Variants in CTNNA3 observed in about 807,000 individuals in gnomAD.
CTNNA3 encodes catenin alpha 3.
A neutral mutation model predicts 95.7 loss-of-function variants in CTNNA3; 76 were observed. That is an observed-to-expected ratio of 0.79 (90% CI 0.66 to 0.96). The LOEUF (loss-of-function observed/expected upper bound fraction) is 0.96, where lower values mean the gene tolerates loss of function less well. CTNNA3 is among the 40% of genes least tolerant of loss of function. The probability of loss-of-function intolerance (pLI) is 0.00; values close to 1 mark genes in which losing one functional copy is unlikely to be tolerated. For synonymous variants in CTNNA3, 431 were observed against 374.4 expected (o/e 1.15, Z -1.74); for missense variants, 1,191 against 1,089.8 (o/e 1.09, Z -1.31).
At position 66,766,330 on chromosome 10, in the gene CTNNA3, A is replaced by G. The variant is rs775938724; in HGVS notation, c.1215T>C (p.Asn405=). The change falls in exon 9 of 18, where the codon AAT becomes AAC. Residue 405 remains asparagine, a synonymous_variant. Transcript: ENST00000433211. ...ATTCTTTTATTTCCTTTTCCCGGCCATTCTTAGCAGCTTCAATGAGAACCA... is the reference window on the plus strand; with the variant it reads ...ATTCTTTTATTTCCTTTTCCCGGCCGTTCTTAGCAGCTTCAATGAGAACCA... The part of the protein sequence containing the change: ...PLLVLIEAAK[N]GREKEIKEYA... 49 of 1,613,862 alleles carry G rather than the reference A, an allele frequency of 3.0e-5. No individual in the cohort carries two copies. The East Asian group carries it at 1.0e-3, about 35-fold the overall frequency.
At chr10:66,963,174 T>C (rs1849213475) in intron 7 of CTNNA3, among the ~76,000 whole-genome samples, 1 of 152,164 alleles carries the variant, frequency 6.6e-6, no homozygotes, top group African/African-American at 2.4e-5. Flanking sequence ...AGAAATACTG[T>C]AAAAACTAAC....
chr10:67,028,185 A>G (rs1000335005), intron 7 of CTNNA3, among the ~76,000 whole-genome samples: 9 of 151,518 alleles, frequency 5.9e-5, no homozygotes, highest in Non-Finnish European at 2.9e-5. Flanking sequence ...TTTTCTTTTC[A>G]CTGGAGTTTC....
chr10:66,854,623 C>T (rs1843620927), intron 7 of CTNNA3, among the ~76,000 whole-genome samples: 1 of 151,798 alleles, frequency 6.6e-6, no homozygotes, highest in Admixed American at 6.6e-5. Flanking sequence ...TGAGCTGTAC[C>T]TTAAAAAATG....
At chr10:66,611,011 A>G (rs1844310743) in intron 10 of CTNNA3, among the ~76,000 whole-genome samples, 1 of 152,152 alleles carries the variant, frequency 6.6e-6, no homozygotes, top group Non-Finnish European at 1.5e-5. Flanking sequence ...AGCAATACAG[A>G]TTGAACTGGA....
At chr10:66,252,227 GTTTTCT>G (rs1243641963) in intron 13 of CTNNA3, among the ~76,000 whole-genome samples, 2 of 152,016 alleles carry the variant, frequency 1.3e-5, no homozygotes, top group East Asian at 3.9e-4. Flanking sequence ...CGTATGTTTT[GTTTTCT>G]TTTTCTTTTT....
intron 10 of CTNNA3, among the ~76,000 whole-genome samples, chr10:66,566,513 G>T (rs184617630): frequency 6.6e-6 from 1 of 152,126 alleles, no homozygotes; most frequent in African/African-American, 2.4e-5. Flanking sequence ...AAAATCAAAC[G>T]CAAAAGCAAT....
chr10:66,550,119 T>A (rs1347339981), intron 10 of CTNNA3, among the ~76,000 whole-genome samples: 1 of 152,154 alleles, frequency 6.6e-6, no homozygotes, highest in Non-Finnish European at 1.5e-5. Flanking sequence ...AGGCCTATTA[T>A]CAGGCACATA....
chr10:66,196,777 T>A (rs1284488287), intron 13 of CTNNA3, among the ~76,000 whole-genome samples: 1 of 152,098 alleles, frequency 6.6e-6, no homozygotes, highest in African/African-American at 2.4e-5. Flanking sequence ...ATGGAGGCCA[T>A]ACCAGGAAGC....
chr10:66,244,396 G>C (rs1447062387), intron 13 of CTNNA3, among the ~76,000 whole-genome samples: 3 of 152,170 alleles, frequency 2.0e-5, no homozygotes, highest in Non-Finnish European at 4.4e-5. Flanking sequence ...GTCCTTGAGG[G>C]AACATAGGCA....
chr10:67,393,327 A>C (rs1249212549), intron 5 of CTNNA3, among the ~76,000 whole-genome samples: 1 of 144,188 alleles, frequency 6.9e-6, no homozygotes, highest in East Asian at 1.9e-4. Context: ...TCATGAAATT[A>C]ACTAATCTTG....
chr10:67,500,207 A>G (rs1839183983), intron 5 of CTNNA3, among the ~76,000 whole-genome samples: 1 of 152,194 alleles, frequency 6.6e-6, no homozygotes, highest in Non-Finnish European at 1.5e-5. Context: ...GTCATTCAGG[A>G]GCAGGTTTTT....
chr10:66,117,344 T>C (rs1347781575), intron 13 of CTNNA3, among the ~76,000 whole-genome samples: 1 of 152,224 alleles, frequency 6.6e-6, no homozygotes, highest in Non-Finnish European at 1.5e-5. Context: ...CAAAATACTA[T>C]ATTATATATG....
chr10:67,017,759 G>A (rs906025434), intron 7 of CTNNA3, among the ~76,000 whole-genome samples: 12 of 151,420 alleles, frequency 7.9e-5, no homozygotes, highest in Admixed American at 2.0e-4. Context: ...GTGTGCGCGC[G>A]TACAATTTTA....
At chr10:67,639,353 G>T (rs969851942) in intron 2 of CTNNA3, among the ~76,000 whole-genome samples, 3 of 152,102 alleles carry the variant, frequency 2.0e-5, no homozygotes, top group Non-Finnish European at 4.4e-5. Flanking sequence ...CTGAAATTGA[G>T]GCAATAATTA....
At chr10:66,979,754 C>T (rs1564809322) in intron 7 of CTNNA3, among the ~76,000 whole-genome samples, 3 of 152,120 alleles carry the variant, frequency 2.0e-5, no homozygotes, top group Admixed American at 2.0e-4. Flanking sequence ...TACTTTATCA[C>T]TATCATAATA....
Position 66,393,144 on chromosome 10 carries a change from T to C in CTNNA3, c.1532-13792A>G, listed in dbSNP as rs534500863. Among the ~76,000 whole-genome samples the C allele has an allele frequency of 2.6e-5, 4 of 152,262 alleles. No homozygotes were observed. In the South Asian group the frequency reaches 6.2e-4, roughly 24 times the overall value. ...AATGAAAGAAGTCAATCTGAAAGGC[T>C]ACATACTGTATGATTGCAATTACAT... On this transcript the variant is annotated intron_variant, in intron 11 of 17. Transcript: ENST00000433211.
chr10:66,701,505 G>A (rs776303627), intron 9 of CTNNA3, among the ~76,000 whole-genome samples: 1 of 152,048 alleles, frequency 6.6e-6, no homozygotes, highest in Non-Finnish European at 1.5e-5. Context: ...ATCATAATCT[G>A]CATTTATTTA....
intron 10 of CTNNA3, among the ~76,000 whole-genome samples, chr10:66,606,207 C>T (rs1223153919): frequency 6.6e-6 from 1 of 152,064 alleles, no homozygotes; most frequent in African/African-American, 2.4e-5. Flanking sequence ...GGGTTAAATA[C>T]AACAAGAAGA....
rs187993537 is a variant in CTNNA3 at position 67,690,845 on chromosome 10, G to A, written c.-6+5155C>T. ...AATGAGTGCTTCCTTCATCTAGAAA[G>A]TCTTGCTACAGCCTCTCCCTCTCCC... On this transcript the variant is annotated intron_variant, in intron 1 of 17. Transcript: ENST00000433211. Among the ~76,000 whole-genome samples, 1,117 of 149,734 alleles carry A rather than the reference G, an allele frequency of 7.5e-3. 5 individuals are homozygous for A. The highest frequency in any genetic ancestry group is 0.012 in the Non-Finnish European group (808 of 67,720).
Sources: allele counts gnomAD v4.1 joint callset (sites outside exome capture counted in the v4.1 genomes callset), GRCh38; gene constraint gnomAD v4.1.1; transcripts MANE v1.5; gene names NCBI Gene and HGNC (gene_info 2026-07-23, HGNC 2026-07-21).